Variants in ZNF385D observed in about 807,000 individuals in gnomAD.
ZNF385D encodes the protein zinc finger protein 659.
Under a neutral mutation model 35.8 loss-of-function variants are expected in ZNF385D, and 15 were observed. The ratio of observed to expected loss-of-function variants is 0.42; its 90% CI spans 0.28 to 0.64. ZNF385D has a LOEUF of 0.64. Ranked by LOEUF, ZNF385D falls within the 30% of genes least tolerant of loss-of-function variation. The pLI, the probability that ZNF385D is intolerant of heterozygous loss-of-function variation, is 0.23. For synonymous variants in ZNF385D, 212 were observed against 186.8 expected (o/e 1.13, Z -1.10); for missense variants, 474 against 494.6 (o/e 0.96, Z 0.39).
chr3:21,605,523 A>G (rs2125775417), intron 2 of ZNF385D, among the ~76,000 whole-genome samples: 1 of 152,302 alleles, frequency 6.6e-6, no homozygotes, highest in Admixed American at 6.5e-5. Flanking sequence ...AGAATGGTAG[A>G]AAGACAGAGG....
chr3:22,279,748 C>T (rs372482990), intron 2 of ZNF385D, among the ~76,000 whole-genome samples: 4 of 151,508 alleles, frequency 2.6e-5, no homozygotes, highest in African/African-American at 4.8e-5. Flanking sequence ...TATAAATATG[C>T]GTGTGCAAGT....
At chr3:22,295,149 G>C (rs561952328) in intron 2 of ZNF385D, among the ~76,000 whole-genome samples, 1 of 152,166 alleles carries the variant, frequency 6.6e-6, no homozygotes, top group East Asian at 1.9e-4. Flanking sequence ...ATATACCATA[G>C]ATAACAATAA....
chr3:21,419,771 A>G lies in ZNF385D; in HGVS notation c.*1443T>C, dbSNP rs555978777. The G allele has an allele frequency of 6.6e-6, 1 of 152,244 alleles. No individual in the cohort carries two copies. Among genetic ancestry groups the G allele is most frequent in the African/African-American group, 2.4e-5 (1 of 41,584 alleles). 9.4% of individuals were successfully genotyped at this position (152,244 alleles called of 1,614,324 possible). A position where few individuals can be genotyped will look rare whatever the true frequency, so the allele number is the denominator to read the frequency against. Reference sequence around the variant, plus strand: ...CATTTGTTACCAATTTAATGATAACATGTAACACTGGATGGTTATATAATT... The same window carrying G: ...CATTTGTTACCAATTTAATGATAACGTGTAACACTGGATGGTTATATAATT... On this transcript the variant is annotated 3_prime_UTR_variant, in exon 8 of 8. Transcript: ENST00000281523.
intron 3 of ZNF385D, among the ~76,000 whole-genome samples, chr3:22,154,407 C>T (rs931008243): frequency 1.2e-4 from 19 of 152,160 alleles, no homozygotes; most frequent in African/African-American, 4.6e-4. Flanking sequence ...GTAGGACCAA[C>T]ATTTCTCAAC....
At chr3:22,354,032 C>T (rs2125500937) in intron 2 of ZNF385D, among the ~76,000 whole-genome samples, 1 of 151,040 alleles carries the variant, frequency 6.6e-6, no homozygotes, top group East Asian at 2.0e-4. Flanking sequence ...CTTGCATTAT[C>T]TTCTTTTTTT....
intron 3 of ZNF385D, among the ~76,000 whole-genome samples, chr3:21,916,743 T>G (rs973927980): frequency 6.6e-6 from 1 of 152,236 alleles, no homozygotes; most frequent in Non-Finnish European, 1.5e-5. Context: ...TCCTTATTGT[T>G]TGATATTTGG....
chr3:22,322,245 T>C (rs1440739899), intron 2 of ZNF385D, among the ~76,000 whole-genome samples: 2 of 152,212 alleles, frequency 1.3e-5, no homozygotes, highest in African/African-American at 4.8e-5. Flanking sequence ...TTGTTTGGCA[T>C]TTATAGTCTT....
intron 3 of ZNF385D, among the ~76,000 whole-genome samples, chr3:22,115,855 TTCC>T (rs1251154063): frequency 2.0e-5 from 3 of 152,082 alleles, no homozygotes; most frequent in Non-Finnish European, 4.4e-5. Flanking sequence ...AGGTTTTTGT[TTCC>T]TTAAAATAAA....
At chr3:21,560,587 C>A (rs1384788223) in intron 3 of ZNF385D, among the ~76,000 whole-genome samples, 1 of 152,196 alleles carries the variant, frequency 6.6e-6, no homozygotes, top group East Asian at 1.9e-4. Context: ...TCGGCCCCTA[C>A]TGGGAGGTAT....
At chr3:21,707,829 A>C (rs1015703273) in intron 1 of ZNF385D, among the ~76,000 whole-genome samples, 1 of 152,326 alleles carries the variant, frequency 6.6e-6, no homozygotes, top group East Asian at 1.9e-4. Flanking sequence ...AAACTGTAGA[A>C]GATGAAAGAT....
At chr3:22,282,418 T>C (rs1287981791) in intron 2 of ZNF385D, among the ~76,000 whole-genome samples, 4 of 152,108 alleles carry the variant, frequency 2.6e-5, no homozygotes, top group Admixed American at 6.6e-5. Context: ...TTAGAGGTTT[T>C]GATAGGTTGT....
chr3:21,883,008 A>G (rs1698357293), intron 3 of ZNF385D, among the ~76,000 whole-genome samples: 1 of 152,126 alleles, frequency 6.6e-6, no homozygotes, highest in African/African-American at 2.4e-5. Flanking sequence ...CCCTCATTAA[A>G]ATATCATTCT....
At chr3:21,953,098 T>C (rs1322969120) in intron 3 of ZNF385D, among the ~76,000 whole-genome samples, 1 of 151,988 alleles carries the variant, frequency 6.6e-6, no homozygotes, top group Non-Finnish European at 1.5e-5. Flanking sequence ...CAAACCTGAG[T>C]ACTCTACAGT....
chr3:21,997,535 T>G (rs1695544296), intron 3 of ZNF385D, among the ~76,000 whole-genome samples: 1 of 151,512 alleles, frequency 6.6e-6, no homozygotes, highest in Admixed American at 6.6e-5. Flanking sequence ...ATCTACTTTC[T>G]TTAAATGTAA....
intron 2 of ZNF385D, among the ~76,000 whole-genome samples, chr3:21,615,334 A>G (rs1380412580): frequency 6.9e-6 from 1 of 144,174 alleles, no homozygotes; most frequent in Non-Finnish European, 1.5e-5. Context: ...CATCAGAAGC[A>G]GATGCTGGTG....
intron 3 of ZNF385D, among the ~76,000 whole-genome samples, chr3:21,785,748 A>G (rs921523390): frequency 6.6e-6 from 1 of 152,210 alleles, no homozygotes; most frequent in Non-Finnish European, 1.5e-5. Flanking sequence ...TTAAGTATCT[A>G]TTTCATCCCT....
intron 3 of ZNF385D, among the ~76,000 whole-genome samples, chr3:21,798,117 G>A (rs2072236070): frequency 6.6e-6 from 1 of 152,176 alleles, no homozygotes; most frequent in South Asian, 2.1e-4. Flanking sequence ...GGAAGACTAT[G>A]CGTTAGTTGG....
At chr3:21,444,901 A>C (rs400737) in intron 4 of ZNF385D, among the ~76,000 whole-genome samples, 89,734 of 152,094 alleles carry the variant, frequency 0.59, 29,237 homozygotes, top group Non-Finnish European at 0.74. Context: ...AGAAGCCCCC[A>C]AAAAGAGGTG....
At chr3:22,170,942 A>T (rs1028224078) in intron 2 of ZNF385D, among the ~76,000 whole-genome samples, 4 of 152,180 alleles carry the variant, frequency 2.6e-5, no homozygotes, top group Non-Finnish European at 4.4e-5. Context: ...ATAAGTAAAA[A>T]CCAAAAATAA....
Sources: allele counts gnomAD v4.1 joint callset (sites outside exome capture counted in the v4.1 genomes callset), GRCh38; gene constraint gnomAD v4.1.1; transcripts MANE v1.5; gene names NCBI Gene and HGNC (gene_info 2026-07-23, HGNC 2026-07-21).